Variants in PPARGC1B observed in about 807,000 individuals in gnomAD.
PPARGC1B encodes PPARG coactivator 1 beta.
A neutral mutation model predicts 101.6 loss-of-function variants in PPARGC1B; 34 were observed. The ratio of observed to expected loss-of-function variants is 0.33; its 90% CI spans 0.25 to 0.45. The LOEUF (loss-of-function observed/expected upper bound fraction) is 0.45. Ranked by LOEUF, PPARGC1B falls within the 20% of genes least tolerant of loss-of-function variation. The probability of loss-of-function intolerance (pLI) is 1.00; values close to 1 mark genes in which losing one functional copy is unlikely to be tolerated. For missense variants in PPARGC1B, 1,234 were observed against 1,317.6 expected (o/e 0.94, Z 0.98); for synonymous variants, 548 against 539.3 (o/e 1.02, Z -0.22).
At chr5:149,840,484 C>T (rs1172698452) in intron 9 of PPARGC1B, among the ~76,000 whole-genome samples, 1 of 152,116 alleles carries the variant, frequency 6.6e-6, no homozygotes, top group Non-Finnish European at 1.5e-5. Context: ...CCACCACCTT[C>T]TATGTGACCG....
intron 1 of PPARGC1B, chr5:149,772,203 T>C: frequency 6.3e-7 from 1 of 1,599,430 alleles, no homozygotes; most frequent in Non-Finnish European, 8.5e-7. Flanking sequence ...TGTGAGCTTG[T>C]TGGGTTGACG....
intron 10 of PPARGC1B, among the ~76,000 whole-genome samples, chr5:149,842,604 A>T (rs1046375419): frequency 2.0e-5 from 3 of 152,240 alleles, no homozygotes; most frequent in African/African-American, 7.2e-5. Flanking sequence ...GTTTCCTTTC[A>T]TTCTTTTATC....
At chr5:149,839,624 C>T (rs750002884) in intron 8 of PPARGC1B, among the ~76,000 whole-genome samples, 4 of 152,100 alleles carry the variant, frequency 2.6e-5, no homozygotes, top group Non-Finnish European at 5.9e-5. Context: ...TAAGCAAATC[C>T]CATCTCAAAC....
At chr5:149,787,984 C>G (rs983584793) in intron 1 of PPARGC1B, among the ~76,000 whole-genome samples, 39 of 152,252 alleles carry the variant, frequency 2.6e-4, no homozygotes, top group African/African-American at 8.9e-4. Context: ...AGAAGAAAAC[C>G]TAGGCAATAC....
chr5:149,765,101 T>C (rs6859980), intron 1 of PPARGC1B, among the ~76,000 whole-genome samples: 66,858 of 150,136 alleles, frequency 0.45, 15,315 homozygotes, highest in South Asian at 0.53. Flanking sequence ...TTCTCAAGAA[T>C]AGTGCAGAGA....
chr5:149,762,162 T>G (rs1289192553), intron 1 of PPARGC1B, among the ~76,000 whole-genome samples: 1 of 151,178 alleles, frequency 6.6e-6, no homozygotes, highest in Non-Finnish European at 1.5e-5. Context: ...TGGGTTTTTT[T>G]TTTTTTTTTT....
chr5:149,847,658 G>T lies in PPARGC1B; in HGVS notation c.*100G>T. ...AATCAAGTATATGAGGAGAGCGAGC[G>T]AGCGTGAGAGAACACCCGTGAGAGA... On this transcript the variant is annotated 3_prime_UTR_variant, in exon 12 of 12. Transcript: ENST00000309241. 1.2e-6 allele frequency: 1 copy of T among 847,382 alleles called. No individual in the cohort carries two copies. Among genetic ancestry groups the T allele is most frequent in the South Asian group, 1.6e-5 (1 of 61,884 alleles). The allele number at this position is 847,382 out of a possible 1,614,324, so 52.5% of individuals were successfully genotyped here. A position where few individuals can be genotyped will look rare whatever the true frequency, so the allele number is the denominator to read the frequency against.
At chr5:149,815,571 T>C (rs1387959171) in intron 1 of PPARGC1B, among the ~76,000 whole-genome samples, 3 of 152,256 alleles carry the variant, frequency 2.0e-5, no homozygotes, top group African/African-American at 7.2e-5. Context: ...TTACAATTTA[T>C]TTATTTATTC....
At chr5:149,740,416 T>G (rs6650969) in intron 1 of PPARGC1B, among the ~76,000 whole-genome samples, 71,449 of 152,020 alleles carry the variant, frequency 0.47, 17,804 homozygotes, top group African/African-American at 0.65. Flanking sequence ...TTGTCTTCCC[T>G]CTGAGCTCCA....
chr5:149,837,573 G>A lies in PPARGC1B; in HGVS notation c.2618+500G>A, dbSNP rs1312778339. Among the ~76,000 whole-genome samples, 1 of 152,204 alleles carries A rather than the reference G, an allele frequency of 6.6e-6. No homozygotes were observed. The highest frequency in any genetic ancestry group is 1.9e-4 in the East Asian group (1 of 5,198). On this transcript the variant is annotated intron_variant, in intron 8 of 11. Coordinates refer to ENST00000309241, the MANE Select transcript of PPARGC1B (RefSeq NM_133263.4). This position sits in a 1 kb window ranked among gnomAD's most constrained non-coding sequence, Gnocchi z 4.2. ...TTTCTGGGTCATGCTGAGTTGTGCT[G>A]TGGCTTTCACCAGTTGGCTGCCCCT...
chr5:149,834,131 A>G (rs528812836), intron 5 of PPARGC1B, among the ~76,000 whole-genome samples: 1 of 152,252 alleles, frequency 6.6e-6, no homozygotes, highest in Non-Finnish European at 1.5e-5. Flanking sequence ...GCGTAAGGCT[A>G]TAAGTTCAGC....
At chr5:149,743,186 C>T (rs1189876643) in intron 1 of PPARGC1B, among the ~76,000 whole-genome samples, 19 of 144,950 alleles carry the variant, frequency 1.3e-4, no homozygotes, top group African/African-American at 1.8e-4. Flanking sequence ...GACAGATTCT[C>T]GCTCTGTCGC....
At chr5:149,745,980 T>C (rs1285261790) in intron 1 of PPARGC1B, among the ~76,000 whole-genome samples, 3 of 152,164 alleles carry the variant, frequency 2.0e-5, no homozygotes, top group Non-Finnish European at 4.4e-5. Flanking sequence ...CAGTTTGATG[T>C]ATCAGGCCCC....
intron 1 of PPARGC1B, among the ~76,000 whole-genome samples, chr5:149,812,849 T>C (rs938017728): frequency 6.6e-6 from 1 of 152,172 alleles, no homozygotes; most frequent in African/African-American, 2.4e-5. Flanking sequence ...CTGGATTGCC[T>C]GGGGGTAAGG....
Position 149,826,660 on chromosome 5 carries a change from C to T in PPARGC1B, c.253-13C>T. 6.2e-7 allele frequency: 1 copy of T among 1,607,352 alleles called. No homozygotes were observed. On this transcript the variant is annotated splice_polypyrimidine_tract_variant and intron_variant, in intron 2 of 11. Coordinates refer to ENST00000309241, the MANE Select transcript of PPARGC1B (RefSeq NM_133263.4). ...CATCTGCCTTTCTGACCCTCCCGCC[C>T]TCCTCACTCCAGATTGACAGTGAGA... is the stretch of plus-strand genomic sequence containing the variant.
intron 1 of PPARGC1B, among the ~76,000 whole-genome samples, chr5:149,812,362 C>T (rs1429589899): frequency 6.6e-6 from 1 of 152,180 alleles, no homozygotes; most frequent in Non-Finnish European, 1.5e-5. Context: ...AGATAAACTA[C>T]TCTCCCCACT....
In PPARGC1B at chr5:149,826,849, C is replaced by G. The variant is rs752087334; in HGVS notation, c.429C>G (p.Pro143=). 3.6e-5 allele frequency: 58 copies of G among 1,613,614 alleles called. No homozygotes were observed. The South Asian group carries it at 6.3e-4, about 17-fold the overall frequency. The change falls in exon 3 of 12, where the codon CCC becomes CCG. Residue 143 remains proline (P), a synonymous_variant. Coordinates refer to ENST00000309241, the MANE Select transcript of PPARGC1B (RefSeq NM_133263.4). ...SAPPSPAPEK[P]SAPAPEVDEL... is the part of the protein sequence containing the mutation. ...CCCCCAGCCCTGCCCCGGAGAAGCC[C>G]TCGGCCCCAGCCCCTGAGGTGGACG...
chr5:149,750,453 AATATATATATATATATATATAT>A (rs55971526), intron 1 of PPARGC1B, among the ~76,000 whole-genome samples: 142 of 123,232 alleles, frequency 1.2e-3, no homozygotes, highest in Non-Finnish European at 2.0e-3. Context: ...TTTTAGTTAA[AATATATATATATATATATATAT>A]ATATATATAT....
At chr5:149,786,140 T>G (rs1355890539) in intron 1 of PPARGC1B, among the ~76,000 whole-genome samples, 1 of 152,128 alleles carries the variant, frequency 6.6e-6, no homozygotes, top group African/African-American at 2.4e-5. Flanking sequence ...TTGCCCAGGC[T>G]GGAGTCCAGT....
Sources: allele counts gnomAD v4.1 joint callset (sites outside exome capture counted in the v4.1 genomes callset), GRCh38; gene constraint gnomAD v4.1.1; non-coding constraint Gnocchi (gnomAD v3.1); transcripts MANE v1.5; gene names NCBI Gene and HGNC (gene_info 2026-07-23, HGNC 2026-07-21).